ZDHHC15: variants seen among roughly 807,000 people sequenced by gnomAD.
ZDHHC15 encodes zDHHC palmitoyltransferase 15, also known as palmitoyltransferase ZDHHC15.
Under a neutral mutation model 31.7 loss-of-function variants are expected in ZDHHC15, and 19 were observed. The ratio of observed to expected loss-of-function variants is 0.60; its 90% CI spans 0.42 to 0.88. ZDHHC15 has a LOEUF of 0.88. ZDHHC15 is among the 40% of genes least tolerant of loss of function. The probability of loss-of-function intolerance (pLI) is 0.00; values close to 1 mark genes in which losing one functional copy is unlikely to be tolerated. For missense variants in ZDHHC15, 209 were observed against 251.2 expected, an observed-to-expected ratio of 0.83 and a Z score of 1.14; for synonymous variants, 103 against 90.0, an observed-to-expected ratio of 1.14 and a Z score of -0.82.
intron 3 of ZDHHC15, among the ~76,000 whole-genome samples, chrX:75,468,935 G>T (rs1279337688): frequency 9.0e-6 from 1 of 111,667 alleles, no homozygotes; most frequent in Non-Finnish European, 1.9e-5. Context: ...TTTATTTGTA[G>T]AAATTCTTGA....
intron 1 of ZDHHC15, among the ~76,000 whole-genome samples, chrX:75,510,286 T>C: frequency 9.0e-6 from 1 of 111,130 alleles, no homozygotes; most frequent in East Asian, 2.8e-4. Context: ...CTGAGTTAGG[T>C]TTTAAAACCA....
rs752284018 is a variant in ZDHHC15, at chrX:75,458,837, C to A, written c.259-7915G>T. 5.5e-5 allele frequency among the ~76,000 whole-genome samples: 6 copies of A among 109,144 alleles called. 1 individual carries two copies. The highest frequency in any genetic ancestry group is 1.1e-4 in the Non-Finnish European group (6 of 52,571). The allele number at this position is 109,144 out of a possible 115,157, so 94.8% of individuals were successfully genotyped here. ...TGATTAGAAGCAGCAGTCCGTGGCA[C>A]TCATGGAGAGGAATGAAAGTAGTGA... On this transcript the variant is annotated intron_variant, in intron 3 of 11. Transcript: ENST00000373367.
In ZDHHC15 at chrX:75,391,212, T is replaced by C. The variant is rs138751975; in HGVS notation, c.968-12014A>G. 8.0e-3 allele frequency among the ~76,000 whole-genome samples: 884 copies of C among 111,046 alleles called. 11 individuals carry two copies. The highest frequency in any genetic ancestry group is 0.027 in the African/African-American group (813 of 30,592). ...AAAAGGAATAAAGAAAAAAGCACAC[T>C]CACAAGATCTAGAAAATAGCCTAAA... On this transcript the variant is annotated intron_variant, in intron 10 of 11. Coordinates refer to ENST00000373367, the MANE Select transcript of ZDHHC15 (RefSeq NM_144969.3).
At chrX:75,491,964 G>A (rs974043129) in intron 2 of ZDHHC15, among the ~76,000 whole-genome samples, 6 of 111,448 alleles carry the variant, frequency 5.4e-5, no homozygotes, top group African/African-American at 2.0e-4. Context: ...ATGTAAATGG[G>A]CTAAATGCTC....
intron 2 of ZDHHC15, among the ~76,000 whole-genome samples, chrX:75,500,288 T>A (rs949071008): frequency 2.7e-5 from 3 of 109,361 alleles, no homozygotes; most frequent in African/African-American, 6.6e-5. Context: ...ATAATAATAA[T>A]AAATGGTTAA....
chrX:75,424,043 T>C (rs774015459), intron 8 of ZDHHC15, among the ~76,000 whole-genome samples: 3 of 111,629 alleles, frequency 2.7e-5, no homozygotes, highest in Non-Finnish European at 3.8e-5. Context: ...TAATAGCCTA[T>C]AGACTAACTG....
chrX:75,454,504 G>T (rs1301579624), intron 3 of ZDHHC15, among the ~76,000 whole-genome samples: 2 of 111,780 alleles, frequency 1.8e-5, no homozygotes, highest in Non-Finnish European at 3.8e-5. Context: ...TTGAGGAATT[G>T]CCACACTGTC....
chrX:75,441,955 G>A (rs1047588492), intron 4 of ZDHHC15, among the ~76,000 whole-genome samples: 1 of 111,211 alleles, frequency 9.0e-6, no homozygotes, highest in Admixed American at 9.6e-5. Context: ...AAAAGTTCAT[G>A]GTGTGAGTCT....
At chrX:75,387,991 T>C (rs765777808) in intron 10 of ZDHHC15, among the ~76,000 whole-genome samples, 1 of 112,210 alleles carries the variant, frequency 8.9e-6, no homozygotes, top group Non-Finnish European at 1.9e-5. Context: ...AACAGACTTC[T>C]CAATGGAAAC....
intron 9 of ZDHHC15, among the ~76,000 whole-genome samples, chrX:75,421,492 T>C (rs1293955746): frequency 1.3e-5 from 1 of 78,806 alleles, no homozygotes; most frequent in Non-Finnish European, 2.3e-5. Flanking sequence ...TTCCTAATTA[T>C]TGGCTATAAA....
chrX:75,452,250 A>T (rs1335491349), intron 3 of ZDHHC15, among the ~76,000 whole-genome samples: 1 of 110,223 alleles, frequency 9.1e-6, no homozygotes, highest in Non-Finnish European at 1.9e-5. Flanking sequence ...CTAGTCTCTG[A>T]AAAAATAGAC....
chrX:75,430,183 C>T (rs1180329491), intron 5 of ZDHHC15, among the ~76,000 whole-genome samples: 1 of 111,657 alleles, frequency 9.0e-6, no homozygotes, highest in African/African-American at 3.3e-5. Context: ...TAGGATCATG[C>T]CAGCAGCAAG....
intron 2 of ZDHHC15, among the ~76,000 whole-genome samples, chrX:75,482,838 C>T (rs1242699634): frequency 9.1e-6 from 1 of 109,398 alleles, no homozygotes; most frequent in Admixed American, 9.9e-5. Context: ...CTGTTTTGGG[C>T]GTTGAAGTGT....
chrX:75,437,408 G>T (rs1458859400), intron 4 of ZDHHC15, among the ~76,000 whole-genome samples: 1 of 90,550 alleles, frequency 1.1e-5, no homozygotes, highest in Non-Finnish European at 2.2e-5. Flanking sequence ...CTAGCATTAG[G>T]TATATCTCCC....
At chrX:75,407,587 G>A (rs1284944562) in intron 10 of ZDHHC15, among the ~76,000 whole-genome samples, 2 of 108,732 alleles carry the variant, frequency 1.8e-5, no homozygotes, top group Non-Finnish European at 3.9e-5. Context: ...CCCCGTTTGG[G>A]AGGTGGGGGA....
At chrX:75,410,279 T>C (rs2083470470) in intron 10 of ZDHHC15, among the ~76,000 whole-genome samples, 1 of 108,844 alleles carries the variant, frequency 9.2e-6, no homozygotes, top group South Asian at 3.9e-4. Flanking sequence ...AGACAACCCA[T>C]AGAATGGGAG....
intron 1 of ZDHHC15, among the ~76,000 whole-genome samples, chrX:75,513,030 C>T (rs1338216855): frequency 9.9e-6 from 1 of 101,422 alleles, no homozygotes; most frequent in Non-Finnish European, 2.0e-5. Context: ...GAAAAACAAG[C>T]AATGGGGAAA....
intron 1 of ZDHHC15, among the ~76,000 whole-genome samples, chrX:75,515,412 T>C (rs1346891649): frequency 1.8e-5 from 2 of 111,293 alleles, no homozygotes; most frequent in Non-Finnish European, 3.8e-5. Context: ...ATCCCTGGGA[T>C]GCAAGGCTGG....
chrX:75,449,199 TATACACACAC>T (rs1231766399), intron 4 of ZDHHC15, among the ~76,000 whole-genome samples: 5 of 8,468 alleles, frequency 5.9e-4, no homozygotes, highest in East Asian at 0.022. Context: ...TCTCTCTCTC[TATACACACAC>T]ACACACACAC....
Sources: gnomAD v4.1 joint callset for allele counts (sites outside exome capture counted in the v4.1 genomes callset) on GRCh38, gnomAD v4.1.1 for gene constraint, MANE v1.5 for transcripts, NCBI Gene and HGNC (gene_info 2026-07-23, HGNC 2026-07-21) for gene names.